Variants in TSPAN14 observed in about 807,000 individuals in gnomAD.
The protein encoded by TSPAN14 is tetraspanin-14.
TSPAN14 carries 16 observed loss-of-function variants against 36.6 expected under a neutral mutation model. That is an observed-to-expected ratio of 0.44 (90% CI 0.30 to 0.66). The LOEUF (loss-of-function observed/expected upper bound fraction) is 0.66, where lower values mean the gene tolerates loss of function less well. TSPAN14 is among the 30% of genes least tolerant of loss of function. TSPAN14 has a pLI of 0.12. For missense variants in TSPAN14, 231 were observed against 355.1 expected, an observed-to-expected ratio of 0.65 and a Z score of 2.81; for synonymous variants, 139 against 143.8, an observed-to-expected ratio of 0.97 and a Z score of 0.24.
At chr10:80,469,970 G>C (rs967576865) in intron 1 of TSPAN14, among the ~76,000 whole-genome samples, 1 of 152,082 alleles carries the variant, frequency 6.6e-6, no homozygotes, top group Non-Finnish European at 1.5e-5. Flanking sequence ...GCACTTAGTA[G>C]TGTTTGCATA....
At chr10:80,502,437 T>C (rs889532204) in intron 2 of TSPAN14, among the ~76,000 whole-genome samples, 1 of 152,102 alleles carries the variant, frequency 6.6e-6, no homozygotes, top group Non-Finnish European at 1.5e-5. Flanking sequence ...GGATCCAGAC[T>C]CGAGTGGGTG....
chr10:80,512,306 C>T, intron 6 of TSPAN14, 37 bp downstream of exon 6: 4 of 1,610,284 alleles, frequency 2.5e-6, no homozygotes, highest in Non-Finnish European at 3.4e-6. Flanking sequence ...GGAGCCCGCC[C>T]TTCCTGAAGC....
At chr10:80,482,840 ATTC>A (rs1368216277) in intron 1 of TSPAN14, among the ~76,000 whole-genome samples, 1 of 144,126 alleles carries the variant, frequency 6.9e-6, no homozygotes, top group Non-Finnish European at 1.5e-5. Flanking sequence ...GGTTCAAGTG[ATTC>A]TCCTGCCTCA....
chr10:80,518,384 C>T (rs1416181603), exon 9 of TSPAN14: 3 of 222,748 alleles, frequency 1.3e-5, no homozygotes, highest in African/African-American at 2.3e-5. Flanking sequence ...TGTGGGTGGG[C>T]CGTGGGTAGA....
intron 2 of TSPAN14, among the ~76,000 whole-genome samples, chr10:80,497,265 C>T (rs933544684): frequency 8.5e-5 from 13 of 152,170 alleles, no homozygotes; most frequent in African/African-American, 2.7e-4. Flanking sequence ...GTATCCCAGG[C>T]TTTGTGTGGC....
chr10:80,472,091 C>T (rs973938287), intron 1 of TSPAN14, among the ~76,000 whole-genome samples: 8 of 152,050 alleles, frequency 5.3e-5, no homozygotes, highest in African/African-American at 1.2e-4. Flanking sequence ...TGAGCTGTGA[C>T]GGTGCCACTG....
intron 5 of TSPAN14, among the ~76,000 whole-genome samples, chr10:80,511,049 C>G (rs1012275789): frequency 2.0e-5 from 3 of 152,062 alleles, no homozygotes; most frequent in African/African-American, 4.8e-5. Context: ...AACAAAATAA[C>G]CAACCAGAAA....
At chr10:80,514,203 T>C in intron 7 of TSPAN14, 140 bp downstream of exon 7, 3 of 752,168 alleles carry the variant, frequency 4.0e-6, no homozygotes, top group South Asian at 3.3e-5. Context: ...AAGCTGAGCA[T>C]AGGCACAGGG....
At chr10:80,504,933 C>G (rs117592311) in intron 3 of TSPAN14, among the ~76,000 whole-genome samples, 155 bp downstream of exon 3, 1 of 152,186 alleles carries the variant, frequency 6.6e-6, no homozygotes, top group African/African-American at 2.4e-5. Context: ...ACAGCTCTTG[C>G]GTACTCTGCC....
At chr10:80,455,306 G>A (rs773767185) in intron 1 of TSPAN14, among the ~76,000 whole-genome samples, 8 of 152,142 alleles carry the variant, frequency 5.3e-5, no homozygotes, top group Admixed American at 1.3e-4. Flanking sequence ...TGGGCGCAGA[G>A]CGGTGGTGAG....
At chr10:80,468,226 G>A (rs1315110088) in intron 1 of TSPAN14, among the ~76,000 whole-genome samples, 2 of 152,072 alleles carry the variant, frequency 1.3e-5, no homozygotes, top group African/African-American at 2.4e-5. Context: ...CCTGTTGCCC[G>A]TCTGACTTCC....
rs372454378 is a variant in TSPAN14, at chr10:80,520,596, C to A, written c.*2620C>A. 4.5e-5 allele frequency: 24 copies of A among 532,774 alleles called. No individual in the cohort carries two copies. The African/African-American group carries it at 4.6e-4, about 10-fold the overall frequency. The allele number at this position is 532,774 out of a possible 1,614,324, so 33.0% of individuals were successfully genotyped here. A position where few individuals can be genotyped will look rare whatever the true frequency, so the allele number is the denominator to read the frequency against. ...GTACCCCCTCCTCAACCCTGGTCCA[C>A]CCCCTCTCAGGATCTTGTCAACGTT... On this transcript the variant is annotated 3_prime_UTR_variant, in exon 9 of 9. Transcript: ENST00000429989.
rs554577855 is a variant in TSPAN14, at chr10:80,457,330, A to T, written c.-18+2959A>T. ...CAGCCTCCCAAGTAGCTTGGACTAC[A>T]GGTGTGCACCACCACACCCAGCTAA... On this transcript the variant is annotated intron_variant, in intron 1 of 8. Coordinates refer to ENST00000429989, the Ensembl canonical transcript of TSPAN14. Among the ~76,000 whole-genome samples the T allele has an allele frequency of 1.3e-4, 20 of 152,006 alleles. No individual in the cohort carries two copies. The East Asian group carries it at 3.9e-3, about 30-fold the overall frequency.
rs756503698 is a variant in TSPAN14 at position 80,507,409 on chromosome 10, G to A, written c.279+35G>A. On this transcript the variant is annotated intron_variant, in intron 4 of 8. Transcript: ENST00000429989. ...CACAGAGACAAGAGTGGGATAGGAT[G>A]CAATGGGGTACAGGCTCTGCTGGGC... 6 of 1,613,826 alleles carry A rather than the reference G, an allele frequency of 3.7e-6. No individual in the cohort carries two copies. The South Asian group carries it at 6.6e-5, about 18-fold the overall frequency.
chr10:80,477,040 AG>A (rs1846955913), intron 1 of TSPAN14, among the ~76,000 whole-genome samples: 1 of 152,252 alleles, frequency 6.6e-6, no homozygotes, highest in Non-Finnish European at 1.5e-5. Context: ...ACTGTCAGCC[AG>A]GGCTACTCTT....
intron 1 of TSPAN14, among the ~76,000 whole-genome samples, chr10:80,473,573 G>A (rs1392117364): frequency 1.3e-5 from 2 of 152,060 alleles, no homozygotes; most frequent in Non-Finnish European, 2.9e-5. Context: ...TTGTCACCCT[G>A]TGATAAAGGA....
rs1841014624 is a variant in TSPAN14, at chr10:80,517,785, A to C, written c.742-120A>C. 4.2e-6 allele frequency: 4 copies of C among 952,442 alleles called. No individual in the cohort carries two copies. In the East Asian group the frequency reaches 1.0e-4, roughly 25 times the overall value. The allele number at this position is 952,442 out of a possible 1,614,324, so 59.0% of individuals were successfully genotyped here. On this transcript the variant is annotated intron_variant, in intron 8 of 8. Transcript: ENST00000429989. The stretch of plus-strand genomic sequence containing the variant: ...TCTGCGGTGCTGTCTCTACGTCTTC[A>C]GTCGCAGCTGGGGGGTGAGGAGAGG...
exon 9 of TSPAN14, chr10:80,520,582 T>G (rs1437256085): frequency 3.8e-6 from 2 of 531,200 alleles, no homozygotes; most frequent in Non-Finnish European, 7.7e-6. Flanking sequence ...TACCCCCTCC[T>G]CAACCCTGGT....
exon 9 of TSPAN14, chr10:80,521,098 G>A: frequency 3.2e-6 from 1 of 308,338 alleles, no homozygotes. Context: ...GAATTTCTCT[G>A]GGAGATTCCA....
Sources: gnomAD v4.1 joint callset for allele counts (sites outside exome capture counted in the v4.1 genomes callset) on GRCh38, gnomAD v4.1.1 for gene constraint, MANE v1.5 for transcripts, NCBI Gene and HGNC (gene_info 2026-07-23, HGNC 2026-07-21) for gene names.